BACH2: variants seen among roughly 807,000 people sequenced by gnomAD.
The protein encoded by BACH2 is BACH transcriptional regulator 2.
BACH2 carries 5 observed loss-of-function variants against 61.8 expected under a neutral mutation model. The observed-to-expected ratio is 0.08, with a 90% CI of 0.04 to 0.17. The LOEUF (loss-of-function observed/expected upper bound fraction) is 0.17, where lower values mean the gene tolerates loss of function less well. BACH2 is among the 10% of genes least tolerant of loss of function. BACH2 has a pLI of 1.00. For missense variants in BACH2, 824 were observed against 1,091.1 expected, an observed-to-expected ratio of 0.76 and a Z score of 3.45; for synonymous variants, 446 against 440.1, an observed-to-expected ratio of 1.01 and a Z score of -0.17.
chr6:90,078,336 A>G (rs1007496222), intron 5 of BACH2, among the ~76,000 whole-genome samples: 4 of 152,308 alleles, frequency 2.6e-5, no homozygotes, highest in African/African-American at 9.6e-5. Flanking sequence ...AACAGGGAGA[A>G]GGTAAAAATT....
intron 7 of BACH2, among the ~76,000 whole-genome samples, chr6:89,940,462 C>A (rs112800083): frequency 9.9e-5 from 15 of 152,222 alleles, no homozygotes; most frequent in African/African-American, 3.6e-4. Flanking sequence ...GTTTGTCACT[C>A]CCCTTCCCGA....
At chr6:90,027,583 G>T (rs1778699475) in intron 5 of BACH2, among the ~76,000 whole-genome samples, 2 of 152,128 alleles carry the variant, frequency 1.3e-5, no homozygotes, top group Admixed American at 6.5e-5. Flanking sequence ...GGGCTCATTG[G>T]CCAGGTGGTA....
At chr6:89,999,486 G>A (rs1490704938) in intron 6 of BACH2, among the ~76,000 whole-genome samples, 1 of 150,766 alleles carries the variant, frequency 6.6e-6, no homozygotes, top group African/African-American at 2.5e-5. Context: ...GGTGTAATCT[G>A]GATGGGAAGT....
At chr6:90,055,741 A>T (rs555115074) in intron 5 of BACH2, among the ~76,000 whole-genome samples, 3 of 152,240 alleles carry the variant, frequency 2.0e-5, no homozygotes, top group East Asian at 3.9e-4. Flanking sequence ...CAGGTTACCC[A>T]CAAAGGGAAG....
chr6:90,115,553 A>C (rs1313586430), intron 4 of BACH2, among the ~76,000 whole-genome samples: 1 of 152,236 alleles, frequency 6.6e-6, no homozygotes, highest in African/African-American at 2.4e-5. Context: ...GTAAAACTCC[A>C]AACTATAAAA....
At chr6:90,172,204 G>A (rs1411040691) in intron 4 of BACH2, among the ~76,000 whole-genome samples, 1 of 151,624 alleles carries the variant, frequency 6.6e-6, no homozygotes, top group Non-Finnish European at 1.5e-5. Context: ...TACTCGGAAG[G>A]CTGGGGCAGG....
intron 4 of BACH2, among the ~76,000 whole-genome samples, chr6:90,167,511 C>G (rs1021119698): frequency 6.6e-6 from 1 of 152,288 alleles, no homozygotes; most frequent in Non-Finnish European, 1.5e-5. Flanking sequence ...CACCTGCCAC[C>G]ATGCCCAGGT....
At chr6:90,051,979 C>A (rs891666402) in intron 5 of BACH2, among the ~76,000 whole-genome samples, 4 of 152,012 alleles carry the variant, frequency 2.6e-5, no homozygotes, top group Non-Finnish European at 5.9e-5. Flanking sequence ...AAAATTTCCA[C>A]ATATAAGGGG....
intron 4 of BACH2, among the ~76,000 whole-genome samples, chr6:90,176,043 G>T (rs932040668): frequency 2.6e-5 from 4 of 152,152 alleles, no homozygotes; most frequent in African/African-American, 9.7e-5. Flanking sequence ...CTCTCCCCTG[G>T]CTCCTGCCTT....
chr6:90,182,783 G>A (rs1316263347), intron 4 of BACH2, among the ~76,000 whole-genome samples: 1 of 152,088 alleles, frequency 6.6e-6, no homozygotes, highest in East Asian at 1.9e-4. Context: ...CAGGAAAGAG[G>A]CTACACCTCA....
chr6:89,988,411 T>C (rs374632702), intron 6 of BACH2, among the ~76,000 whole-genome samples: 9 of 152,284 alleles, frequency 5.9e-5, no homozygotes, highest in African/African-American at 2.2e-4. Context: ...TGTATTTTCT[T>C]GGGCTTGACA....
At chr6:90,236,410 T>C (rs1164469944) in intron 3 of BACH2, among the ~76,000 whole-genome samples, 1 of 152,138 alleles carries the variant, frequency 6.6e-6, no homozygotes, top group African/African-American at 2.4e-5. Context: ...ACAAAGCACT[T>C]GGGAAGCGAA....
At chr6:90,164,953 C>T (rs9451365) in intron 4 of BACH2, among the ~76,000 whole-genome samples, 108,693 of 151,424 alleles carry the variant, frequency 0.72, 40,606 homozygotes, top group African/African-American at 0.93. Context: ...CCACAGCCAA[C>T]ATCATACTGA....
At chr6:90,066,046 C>T (rs969909496) in intron 5 of BACH2, among the ~76,000 whole-genome samples, 9 of 152,106 alleles carry the variant, frequency 5.9e-5, no homozygotes, top group African/African-American at 1.9e-4. Flanking sequence ...CTTTATGCTG[C>T]CTACTTTTAT....
intron 4 of BACH2, among the ~76,000 whole-genome samples, chr6:90,134,423 G>A (rs1312355589): frequency 6.6e-6 from 1 of 152,228 alleles, no homozygotes. Context: ...GGCATGAAGA[G>A]TGATGAAGGC....
At chr6:90,022,723 A>G (rs1383290620) in intron 5 of BACH2, among the ~76,000 whole-genome samples, 1 of 152,246 alleles carries the variant, frequency 6.6e-6, no homozygotes, top group Non-Finnish European at 1.5e-5. Flanking sequence ...TTAAAGATAT[A>G]TAGCCACTAA....
intron 7 of BACH2, among the ~76,000 whole-genome samples, chr6:89,941,413 A>C (rs1461720874): frequency 6.6e-6 from 1 of 152,174 alleles, no homozygotes; most frequent in Non-Finnish European, 1.5e-5. Flanking sequence ...GTCCCATGAC[A>C]CCTGTAAAAT....
At chr6:90,153,964 G>A (rs1009918503) in intron 4 of BACH2, among the ~76,000 whole-genome samples, 3 of 151,978 alleles carry the variant, frequency 2.0e-5, no homozygotes, top group African/African-American at 7.3e-5. Flanking sequence ...ACCCTTTTAC[G>A]GCTTGGTTAT....
intron 3 of BACH2, among the ~76,000 whole-genome samples, 197 bp downstream of exon 3, chr6:90,252,316 C>T (rs1446574640): frequency 2.6e-5 from 4 of 152,120 alleles, no homozygotes; most frequent in Non-Finnish European, 5.9e-5. Context: ...TGACTCAAAT[C>T]AAAGAGAGCT....
Sources: gnomAD v4.1 joint callset for allele counts (sites outside exome capture counted in the v4.1 genomes callset) on GRCh38, gnomAD v4.1.1 for gene constraint, MANE v1.5 for transcripts, NCBI Gene and HGNC (gene_info 2026-07-23, HGNC 2026-07-21) for gene names.